Variants in CDK17 observed in about 807,000 individuals in gnomAD.
CDK17 encodes cyclin-dependent kinase 17.
A neutral mutation model predicts 77.6 loss-of-function variants in CDK17; 24 were observed. The ratio of observed to expected loss-of-function variants is 0.31; its 90% CI spans 0.22 to 0.44. The LOEUF (loss-of-function observed/expected upper bound fraction) is 0.44, where lower values mean the gene tolerates loss of function less well. Among genes scored for constraint, CDK17 ranks in the 20% least tolerant of loss-of-function variants. The pLI, the probability that CDK17 is intolerant of heterozygous loss-of-function variation, is 1.00. For synonymous variants in CDK17, 203 were observed against 210.4 expected, an observed-to-expected ratio of 0.96 and a Z score of 0.30; for missense variants, 429 against 622.5, an observed-to-expected ratio of 0.69 and a Z score of 3.31.
At chr12:96,287,245 GA>G (rs772790865) in intron 11 of CDK17, among the ~76,000 whole-genome samples, 31 of 152,104 alleles carry the variant, frequency 2.0e-4, no homozygotes, top group Non-Finnish European at 3.5e-4. Flanking sequence ...TTTGATGCAG[GA>G]AGCAGAGGTA....
chr12:96,288,669 T>C (rs1952277387), intron 11 of CDK17, among the ~76,000 whole-genome samples: 1 of 152,188 alleles, frequency 6.6e-6, no homozygotes, highest in Non-Finnish European at 1.5e-5. Flanking sequence ...GCAATAACGG[T>C]GTCTGAGTAG....
chr12:96,334,443 A>G (rs1400411828), intron 2 of CDK17, among the ~76,000 whole-genome samples: 1 of 152,202 alleles, frequency 6.6e-6, no homozygotes, highest in Non-Finnish European at 1.5e-5. Context: ...TATAAAATGC[A>G]TTCTTCTTTA....
intron 1 of CDK17, among the ~76,000 whole-genome samples, chr12:96,379,089 A>C (rs776541103): frequency 2.0e-5 from 3 of 152,230 alleles, no homozygotes; most frequent in Non-Finnish European, 4.4e-5. Context: ...GCATAAATAC[A>C]TACTATGAGA....
At chr12:96,315,726 C>T (rs1678050426) in intron 3 of CDK17, among the ~76,000 whole-genome samples, 1 of 152,074 alleles carries the variant, frequency 6.6e-6, no homozygotes, top group Admixed American at 6.5e-5. Context: ...AAAGAGAGGA[C>T]TGAAAACCCA....
intron 1 of CDK17, chr12:96,335,243 G>A: frequency 3.1e-6 from 1 of 325,130 alleles, no homozygotes; most frequent in Non-Finnish European, 5.9e-6. Context: ...GAACCAGCCA[G>A]TGATATCTTC....
intron 5 of CDK17, among the ~76,000 whole-genome samples, chr12:96,309,112 C>CT (rs1430972269): frequency 6.6e-6 from 1 of 152,178 alleles, no homozygotes; most frequent in South Asian, 2.1e-4. Flanking sequence ...GGCCTGACCT[C>CT]TAAGGCTTTT....
chr12:96,322,285 C>T (rs10777784), intron 3 of CDK17, among the ~76,000 whole-genome samples: 65,874 of 151,906 alleles, frequency 0.43, 15,339 homozygotes, highest in African/African-American at 0.59. Flanking sequence ...AGCACAATAC[C>T]CTTTAAATTT....
In CDK17 at chr12:96,280,650, G is replaced by A. The variant is rs1479713490; in HGVS notation, c.1534+158C>T. On this transcript the variant is annotated intron_variant, in intron 16 of 16. Coordinates refer to ENST00000261211, the MANE Select transcript of CDK17 (RefSeq NM_002595.5). ...TTTACTGAGCTGCCCACATCATACA[G>A]AAAAGTGAGTACGTGCAATGCTAAA... 2.8e-6 allele frequency: 4 copies of A among 1,430,192 alleles called. No homozygotes were observed. In the Admixed American group the frequency reaches 1.1e-4, roughly 41 times the overall value. 88.6% of individuals were successfully genotyped at this position (1,430,192 alleles called of 1,614,324 possible). A position where few individuals can be genotyped will look rare whatever the true frequency, so the allele number is the denominator to read the frequency against.
intron 2 of CDK17, among the ~76,000 whole-genome samples, chr12:96,329,180 C>T (rs1380274514): frequency 6.6e-6 from 1 of 151,922 alleles, no homozygotes; most frequent in Non-Finnish European, 1.5e-5. Flanking sequence ...TACAGAGTTT[C>T]AGTTTGGGAT....
At chr12:96,284,453 T>A (rs1439827910) in intron 13 of CDK17, 2 of 127,470 alleles carry the variant, frequency 1.6e-5, no homozygotes, top group African/African-American at 3.1e-5. Flanking sequence ...AGAGCGAGAC[T>A]CTGTCTCCCA....
At chr12:96,325,554 C>A (rs1952882052) in intron 2 of CDK17, among the ~76,000 whole-genome samples, 1 of 152,184 alleles carries the variant, frequency 6.6e-6, no homozygotes, top group Non-Finnish European at 1.5e-5. Flanking sequence ...TCTACGAATA[C>A]TGGTTGCCTA....
At chr12:96,331,245 G>C (rs888239805) in intron 2 of CDK17, among the ~76,000 whole-genome samples, 2 of 152,154 alleles carry the variant, frequency 1.3e-5, no homozygotes, top group African/African-American at 2.4e-5. Context: ...ACCATGCTTG[G>C]CCTTGACAGG....
chr12:96,298,736 A>G (rs1303707171), intron 7 of CDK17, 133 bp downstream of exon 7: 1 of 538,456 alleles, frequency 1.9e-6, no homozygotes, highest in Non-Finnish European at 3.3e-6. Flanking sequence ...TTTGTTTTAG[A>G]AATTTGCTTT....
At chr12:96,355,174 T>C (rs1953374075) in intron 1 of CDK17, among the ~76,000 whole-genome samples, 1 of 152,002 alleles carries the variant, frequency 6.6e-6, no homozygotes, top group African/African-American at 2.4e-5. Context: ...CCCATTCCAC[T>C]ATAGCAGCTG....
At chr12:96,323,306 A>T (rs1952849096) in intron 3 of CDK17, among the ~76,000 whole-genome samples, 2 of 151,236 alleles carry the variant, frequency 1.3e-5, no homozygotes, top group South Asian at 4.2e-4. Context: ...AAACAAACAA[A>T]TTAGCCAGGC....
intron 10 of CDK17, among the ~76,000 whole-genome samples, chr12:96,292,048 A>G (rs1310901099): frequency 6.6e-6 from 1 of 152,204 alleles, no homozygotes; most frequent in Admixed American, 6.5e-5. Context: ...TATAAGGGAA[A>G]TAACAACATA....
chr12:96,294,231 A>G (rs993665760), intron 10 of CDK17, among the ~76,000 whole-genome samples: 1 of 152,226 alleles, frequency 6.6e-6, no homozygotes, highest in African/African-American at 2.4e-5. Context: ...TATAATTAAT[A>G]AATTTTATTG....
chr12:96,382,892 C>T (rs1375850032), intron 1 of CDK17, among the ~76,000 whole-genome samples: 1 of 151,962 alleles, frequency 6.6e-6, no homozygotes, highest in Non-Finnish European at 1.5e-5. Context: ...CACTCCTATT[C>T]AACATAGTAC....
intron 5 of CDK17, among the ~76,000 whole-genome samples, 176 bp downstream of exon 5, chr12:96,310,876 C>T (rs1952637495): frequency 6.6e-6 from 1 of 151,206 alleles, no homozygotes; most frequent in African/African-American, 2.4e-5. Flanking sequence ...TTGAATGCAT[C>T]TTAAGGACTC....
Sources: gnomAD v4.1 joint callset for allele counts (sites outside exome capture counted in the v4.1 genomes callset) on GRCh38, gnomAD v4.1.1 for gene constraint, MANE v1.5 for transcripts, NCBI Gene and HGNC (gene_info 2026-07-23, HGNC 2026-07-21) for gene names.